Variants in ITPR1 observed in about 807,000 individuals in gnomAD.
ITPR1 encodes the protein inositol 1,4,5-trisphosphate-gated calcium channel ITPR1.
A neutral mutation model predicts 318.4 loss-of-function variants in ITPR1; 96 were observed. The observed-to-expected ratio is 0.30, with a 90% CI of 0.26 to 0.36. The LOEUF (loss-of-function observed/expected upper bound fraction) is 0.36, where lower values mean the gene tolerates loss of function less well. Ranked by LOEUF, ITPR1 falls within the 10% of genes least tolerant of loss-of-function variation. The pLI is 1.00. For synonymous variants in ITPR1, 1,312 were observed against 1,289.9 expected, an observed-to-expected ratio of 1.02 and a Z score of -0.37; for missense variants, 2,440 against 3,460.2, an observed-to-expected ratio of 0.71 and a Z score of 7.40.
At position 4,669,689 on chromosome 3, in the gene ITPR1, T is replaced by C; in HGVS notation, c.1922T>C (p.Met641Thr). Reference protein sequence around the residue: ...LDYLSDLCVSMNKSIPVTQEL... With the variant: ...LDYLSDLCVSTNKSIPVTQEL... ...TACCTCTCCGACCTCTGTGTCTCCA[T>C]GAACAAATCAATTCCAGTGACCCAG... The change falls in exon 19 of 62, where the codon ATG (methionine) becomes ACG (threonine). Residue 641 changes from methionine to threonine, a missense_variant. Coordinates refer to ENST00000649015, the MANE Select transcript of ITPR1 (RefSeq NM_001378452.1). 6.2e-7 allele frequency: 1 copy of C among 1,613,182 alleles called. No homozygotes were observed. The highest frequency in any genetic ancestry group is 8.5e-7 in the Non-Finnish European group (1 of 1,179,336).
At chr3:4,838,155 T>A (rs2051068784) in intron 61 of ITPR1, among the ~76,000 whole-genome samples, 1 of 152,196 alleles carries the variant, frequency 6.6e-6, no homozygotes, top group Admixed American at 6.5e-5. Flanking sequence ...CCATTTGGCC[T>A]CAAGTTCTTT....
At chr3:4,725,519 A>G (rs1030741786) in intron 40 of ITPR1, 27 bp from the exon 41 acceptor site, 1 of 1,593,566 alleles carries the variant, frequency 6.3e-7, no homozygotes, top group African/African-American at 1.3e-5. Context: ...TGCCATGACT[A>G]ACGTACTTCG....
chr3:4,550,218 G>T (rs905786837), intron 4 of ITPR1, among the ~76,000 whole-genome samples: 5 of 152,132 alleles, frequency 3.3e-5, no homozygotes, highest in Admixed American at 6.5e-5. Flanking sequence ...CTCTGAGCAG[G>T]GCCATGTTGG....
intron 10 of ITPR1, among the ~76,000 whole-genome samples, chr3:4,650,605 T>TTGTGTGTGTGTGTGTGTGTGTG (rs752768399): frequency 5.3e-5 from 7 of 133,208 alleles, no homozygotes; most frequent in Non-Finnish European, 8.0e-5. Context: ...TGATATGCCT[T>TTGTGTGTGTGTGTGTGTGTGTG]AGTGTGTGTG....
In ITPR1 at chr3:4,725,553, C is replaced by T; in HGVS notation, c.5144C>T (p.Pro1715Leu). The T allele has an allele frequency of 6.3e-7, 1 of 1,599,256 alleles. No homozygotes were observed. The highest frequency in any genetic ancestry group is 8.5e-7 in the Non-Finnish European group (1 of 1,179,624). ...CGTTTTACTCCCAATTAGCTTCCTCCAGCTCCGGATTCTGAGAACGCCACT... is the reference window on the plus strand; with the variant it reads ...CGTTTTACTCCCAATTAGCTTCCTCTAGCTCCGGATTCTGAGAACGCCACT... ...IDELDNAELP[P>L]APDSENATEE... The change falls in exon 41 of 62, where the codon CCA (proline) becomes CTA (leucine). Residue 1715 changes from proline (P) to leucine (L), a missense_variant. Pro to Leu is a moderately conservative substitution (Grantham distance 98). Coordinates refer to ENST00000649015, the MANE Select transcript of ITPR1 (RefSeq NM_001378452.1).
chr3:4,791,608 C>A (rs115046880), intron 52 of ITPR1, among the ~76,000 whole-genome samples: 1 of 152,220 alleles, frequency 6.6e-6, no homozygotes, highest in African/African-American at 2.4e-5. Flanking sequence ...GTTGGGGACC[C>A]CTGCTATAAG....
intron 60 of ITPR1, among the ~76,000 whole-genome samples, chr3:4,836,051 C>T (rs1448938073): frequency 1.3e-5 from 2 of 152,280 alleles, no homozygotes; most frequent in East Asian, 1.9e-4. Flanking sequence ...TCTTAATGAT[C>T]TCCTCACCCA....
intron 13 of ITPR1, among the ~76,000 whole-genome samples, chr3:4,660,446 TA>T (rs1003760849): frequency 1.1e-4 from 16 of 151,946 alleles, no homozygotes; most frequent in African/African-American, 3.9e-4. Flanking sequence ...TTTTTTTCTA[TA>T]TAGATTATAT....
intron 4 of ITPR1, among the ~76,000 whole-genome samples, chr3:4,609,299 A>G (rs1419248700): frequency 6.6e-6 from 1 of 151,514 alleles, no homozygotes; most frequent in African/African-American, 2.4e-5. Flanking sequence ...AGATATTTGG[A>G]CTGAAAAAAC....
intron 60 of ITPR1, 71 bp from the exon 61 acceptor site, chr3:4,836,703 T>C: frequency 7.9e-7 from 1 of 1,266,290 alleles, no homozygotes; most frequent in Non-Finnish European, 1.0e-6. Context: ...TAAGCTGGCC[T>C]TTCTTGTTTT....
chr3:4,683,317 T>G, intron 26 of ITPR1, 69 bp from the exon 27 acceptor site: 1 of 1,540,186 alleles, frequency 6.5e-7, no homozygotes, highest in Non-Finnish European at 9.0e-7. Context: ...TAGGTGCATC[T>G]GGGCCCAAGG....
At chr3:4,676,553 C>T (rs2094189258) in intron 23 of ITPR1, 61 bp from the exon 24 acceptor site, 1 of 1,302,246 alleles carries the variant, frequency 7.7e-7, no homozygotes, top group Non-Finnish European at 1.1e-6. Context: ...TGCCCCTTGA[C>T]ATATGCCTCT....
rs946400396 is a variant in ITPR1, at chr3:4,826,671, TTAGTC to T, written c.8028+8433_8028+8437del. On this transcript the variant is annotated intron_variant, in intron 60 of 61. Coordinates refer to ENST00000649015, the MANE Select transcript of ITPR1 (RefSeq NM_001378452.1). This position sits in a 1 kb window ranked among gnomAD's most constrained non-coding sequence, Gnocchi z 4.2. ...CCAGCCTTAGAACACATTCTGCCCT[TTAGTC>T]TAGGGAGGATGAAATCACCCCTTGT... 6.6e-6 allele frequency among the ~76,000 whole-genome samples: 1 copy of T among 152,170 alleles called. No homozygotes were observed. The highest frequency in any genetic ancestry group is 1.5e-5 in the Non-Finnish European group (1 of 68,024).
At chr3:4,525,338 TAGATATAGAAGAGTTCAACATCGAACAGA>T (rs1447563220) in intron 4 of ITPR1, among the ~76,000 whole-genome samples, 3 of 152,222 alleles carry the variant, frequency 2.0e-5, no homozygotes, top group Admixed American at 2.0e-4. Flanking sequence ...ATTTTCACAG[TAGATATAGAAGAGTTCAACATCGAACAGA>T]AGATATAGAA....
intron 2 of ITPR1, among the ~76,000 whole-genome samples, chr3:4,496,087 G>A (rs2080541328): frequency 6.6e-6 from 1 of 152,196 alleles, no homozygotes; most frequent in African/African-American, 2.4e-5. Context: ...GGAACATTAT[G>A]TAAGTTAAGC....
intron 4 of ITPR1, among the ~76,000 whole-genome samples, chr3:4,559,577 C>T (rs761822741): frequency 1.8e-4 from 28 of 152,230 alleles, no homozygotes; most frequent in South Asian, 4.1e-4. Context: ...TGATTATTCT[C>T]CAGTATTTTT....
At chr3:4,633,232 G>A (rs983678565) in intron 5 of ITPR1, among the ~76,000 whole-genome samples, 1 of 152,102 alleles carries the variant, frequency 6.6e-6, no homozygotes, top group Non-Finnish European at 1.5e-5. Context: ...CACTGGGCCC[G>A]GCCTCAGGTC....
intron 45 of ITPR1, among the ~76,000 whole-genome samples, chr3:4,767,177 G>A (rs1299302345): frequency 6.6e-6 from 1 of 152,254 alleles, no homozygotes; most frequent in Non-Finnish European, 1.5e-5. Flanking sequence ...ATGGTCTTGA[G>A]AAAGTTAAGC....
chr3:4,710,382 G>C lies in ITPR1; in HGVS notation c.4900G>C (p.Val1634Leu). 6.4e-7 allele frequency: 1 copy of C among 1,566,576 alleles called. No individual in the cohort carries two copies. Among genetic ancestry groups the C allele is most frequent in the Non-Finnish European group, 8.7e-7 (1 of 1,154,624 alleles). Residue 1634 changes from valine (V) to leucine (L), a missense_variant, in exon 38 of 62, where the codon GTG becomes CTG. Around this residue, in one of 23 missense-constraint regions of ITPR1, gnomAD observed 166 missense variants for 246.5 expected, o/e 0.67. Coordinates refer to ENST00000649015, the MANE Select transcript of ITPR1 (RefSeq NM_001378452.1). The surrounding 1 kb of genome is among the most constrained non-coding windows in gnomAD (Gnocchi z 4.2). ...LRPLVQAELS[V>L]LVDVLHRPEL... is the part of the protein sequence containing the mutation. The stretch of plus-strand genomic sequence containing the variant: ...GCCCCTGGTGCAGGCAGAGTTATCT[G>C]TGCTCGTGGATGTTCTCCACAGACC...
Sources: allele counts gnomAD v4.1 joint callset (sites outside exome capture counted in the v4.1 genomes callset), GRCh38; gene constraint gnomAD v4.1.1; regional missense constraint gnomAD v4.1.1; non-coding constraint Gnocchi (gnomAD v3.1); transcripts MANE v1.5; gene names NCBI Gene and HGNC (gene_info 2026-07-23, HGNC 2026-07-21).